ZFAT: variants seen among roughly 807,000 people sequenced by gnomAD.
ZFAT encodes zinc finger and AT-hook domain containing, also known as zinc finger protein ZFAT.
In ZFAT, 64 loss-of-function variants were observed where a neutral mutation model predicts 117.7. The ratio of observed to expected loss-of-function variants is 0.54; its 90% CI spans 0.44 to 0.67. ZFAT has a LOEUF of 0.67. Ranked by LOEUF, ZFAT falls within the 30% of genes least tolerant of loss-of-function variation. ZFAT has a pLI of 0.00. For synonymous variants in ZFAT, 679 were observed against 615.0 expected (o/e 1.10, Z -1.54); for missense variants, 1,433 against 1,584.5 (o/e 0.90, Z 1.62).
chr8:134,526,907 G>A (rs1821063218), intron 12 of ZFAT, among the ~76,000 whole-genome samples: 1 of 151,988 alleles, frequency 6.6e-6, no homozygotes, highest in Admixed American at 6.6e-5. Context: ...AAGGCACTGA[G>A]TACAGTAGGC....
chr8:134,580,936 G>C (rs759843033), intron 10 of ZFAT, among the ~76,000 whole-genome samples: 6 of 152,044 alleles, frequency 3.9e-5, no homozygotes, highest in Non-Finnish European at 8.8e-5. Flanking sequence ...AATCATGGAA[G>C]ATGAAAACAT....
At chr8:134,710,644 TAGTG>T (rs1448833122) in intron 1 of ZFAT, among the ~76,000 whole-genome samples, 3 of 152,220 alleles carry the variant, frequency 2.0e-5, no homozygotes, top group Non-Finnish European at 4.4e-5. Flanking sequence ...TGCATATACA[TAGTG>T]AGATAACCTG....
chr8:134,590,219 C>T, intron 8 of ZFAT, 49 bp downstream of exon 8: 1 of 1,426,300 alleles, frequency 7.0e-7, no homozygotes, highest in Non-Finnish European at 9.8e-7. Context: ...TTAAAATAAA[C>T]ATAAGCATTT....
intron 11 of ZFAT, among the ~76,000 whole-genome samples, chr8:134,538,586 C>G (rs1472156001): frequency 6.6e-6 from 1 of 152,020 alleles, no homozygotes; most frequent in Non-Finnish European, 1.5e-5. Flanking sequence ...TCACTTAGGT[C>G]AGGAGTTCGA....
chr8:134,638,884 C>T, intron 2 of ZFAT, among the ~76,000 whole-genome samples: 1 of 152,126 alleles, frequency 6.6e-6, no homozygotes, highest in Non-Finnish European at 1.5e-5. Flanking sequence ...CTGACATCCC[C>T]AATGCCAGTC....
At chr8:134,554,529 T>C (rs534032381) in intron 11 of ZFAT, among the ~76,000 whole-genome samples, 1 of 152,030 alleles carries the variant, frequency 6.6e-6, no homozygotes, top group Non-Finnish European at 1.5e-5. Context: ...GCAAGAGGGT[T>C]GGGGGCTGAA....
intron 15 of ZFAT, among the ~76,000 whole-genome samples, chr8:134,486,418 C>T (rs1817661015): frequency 1.3e-5 from 2 of 152,148 alleles, no homozygotes; most frequent in Non-Finnish European, 2.9e-5. Context: ...GAGGTCATTT[C>T]GCTTCAGGCA....
chr8:134,806,183 GA>G, the ZFAT span, among the ~76,000 whole-genome samples: 1 of 152,080 alleles, frequency 6.6e-6, no homozygotes, highest in African/African-American at 2.4e-5. Flanking sequence ...TACAAATTCT[GA>G]GAGACTATTA....
At chr8:134,611,797 A>C (rs554646966) in intron 3 of ZFAT, among the ~76,000 whole-genome samples, 2 of 152,384 alleles carry the variant, frequency 1.3e-5, no homozygotes, top group Admixed American at 6.5e-5. Context: ...GGAGAGCCAC[A>C]GGTGTCTAAG....
At chr8:134,552,592 T>C (rs543749654) in intron 11 of ZFAT, among the ~76,000 whole-genome samples, 1 of 152,342 alleles carries the variant, frequency 6.6e-6, no homozygotes, top group African/African-American at 2.4e-5. Context: ...AAATAGTGTC[T>C]TTTCAAGATG....
intron 3 of ZFAT, among the ~76,000 whole-genome samples, chr8:134,624,612 G>A (rs763667157): frequency 7.9e-5 from 12 of 151,938 alleles, no homozygotes; most frequent in Non-Finnish European, 1.5e-4. Context: ...AGCCGAGGTC[G>A]CACCATTGCA....
the ZFAT span, among the ~76,000 whole-genome samples, chr8:134,781,925 C>T: frequency 6.6e-6 from 1 of 152,108 alleles, no homozygotes; most frequent in African/African-American, 2.4e-5. Context: ...TATAGCATAC[C>T]AAGTATGTGT....
At chr8:134,502,677 G>C (rs1563781392) in intron 15 of ZFAT, among the ~76,000 whole-genome samples, 1 of 152,172 alleles carries the variant, frequency 6.6e-6, no homozygotes, top group Non-Finnish European at 1.5e-5. Context: ...AAGAAGGTGG[G>C]GTGATTTGGG....
chr8:134,689,575 G>A (rs1202744847), intron 1 of ZFAT, among the ~76,000 whole-genome samples: 8 of 152,224 alleles, frequency 5.3e-5, no homozygotes, highest in Admixed American at 4.6e-4. Flanking sequence ...CGCATACTAC[G>A]ATAGAGAGCA....
chr8:134,660,407 A>G (rs1831865845), intron 1 of ZFAT, among the ~76,000 whole-genome samples: 1 of 152,226 alleles, frequency 6.6e-6, no homozygotes. Context: ...CCCAAAGCAC[A>G]TATCAACTTC....
chr8:134,815,027 G>GA, the ZFAT span, among the ~76,000 whole-genome samples: 4 of 151,846 alleles, frequency 2.6e-5, no homozygotes, highest in Non-Finnish European at 4.4e-5. Context: ...TTCTATAAAG[G>GA]AAAAAAGACC....
At chr8:134,514,465 C>T (rs181836601) in intron 13 of ZFAT, among the ~76,000 whole-genome samples, 2 of 152,282 alleles carry the variant, frequency 1.3e-5, no homozygotes, top group Admixed American at 1.3e-4. Context: ...TGATCATCAT[C>T]AACATCCGCA....
chr8:134,808,288 A>G, the ZFAT span, among the ~76,000 whole-genome samples: 1 of 152,232 alleles, frequency 6.6e-6, no homozygotes, highest in South Asian at 2.1e-4. Context: ...GTGATTAACA[A>G]TGCTCACTGC....
At chr8:134,538,351 G>C (rs530564504) in intron 11 of ZFAT, among the ~76,000 whole-genome samples, 38 of 152,228 alleles carry the variant, frequency 2.5e-4, no homozygotes, top group African/African-American at 8.9e-4. Flanking sequence ...GCAACCAGGG[G>C]GTGGCGCCGG....
Sources: gnomAD v4.1 joint callset for allele counts (sites outside exome capture counted in the v4.1 genomes callset) on GRCh38, gnomAD v4.1.1 for gene constraint, MANE v1.5 for transcripts, NCBI Gene and HGNC (gene_info 2026-07-23, HGNC 2026-07-21) for gene names.